STPG2: variants seen among roughly 807,000 people sequenced by gnomAD.
STPG2 encodes the protein sperm-tail PG-rich repeat-containing protein 2.
In STPG2, 56 loss-of-function variants were observed where a neutral mutation model predicts 54.2. The observed-to-expected ratio is 1.03, with a 90% CI of 0.83 to 1.29. The LOEUF is 1.29. Among genes scored for constraint, STPG2 ranks in the 50% most tolerant of loss-of-function variants. The pLI is 0.00. For synonymous variants in STPG2, 200 were observed against 181.8 expected, an observed-to-expected ratio of 1.10 and a Z score of -0.81; for missense variants, 596 against 544.9, an observed-to-expected ratio of 1.09 and a Z score of -0.93.
At chr4:97,567,880 A>C (rs1193491978) in intron 10 of STPG2, among the ~76,000 whole-genome samples, 1 of 152,222 alleles carries the variant, frequency 6.6e-6, no homozygotes, top group Non-Finnish European at 1.5e-5. Context: ...ATTTAACAAA[A>C]GAAACTGAAG....
intron 9 of STPG2, among the ~76,000 whole-genome samples, chr4:97,728,446 G>A (rs1343008366): frequency 2.0e-5 from 3 of 151,930 alleles, no homozygotes; most frequent in South Asian, 2.1e-4. Flanking sequence ...GACGTAACTC[G>A]GTAGAAATTA....
intron 10 of STPG2, chr4:97,633,396 C>A (rs987844743): frequency 1.1e-4 from 17 of 151,964 alleles, no homozygotes; most frequent in African/African-American, 4.1e-4. Flanking sequence ...AAAACATACT[C>A]AATAAAGTAA....
intron 5 of STPG2, among the ~76,000 whole-genome samples, chr4:98,093,211 A>G (rs1738743859): frequency 1.3e-5 from 2 of 152,148 alleles, no homozygotes; most frequent in East Asian, 3.8e-4. Flanking sequence ...ATACTAAAAA[A>G]TTTTTCATTG....
intron 7 of STPG2, among the ~76,000 whole-genome samples, chr4:97,946,159 AT>A (rs1400327989): frequency 6.6e-6 from 1 of 151,962 alleles, no homozygotes; most frequent in African/African-American, 2.4e-5. Context: ...GATGTTGAAT[AT>A]TTTTTCATAT....
At chr4:97,681,012 T>G (rs1723016106) in intron 10 of STPG2, among the ~76,000 whole-genome samples, 1 of 151,962 alleles carries the variant, frequency 6.6e-6, no homozygotes, top group South Asian at 2.1e-4. Context: ...ATTTATGTTA[T>G]TTGTGATTTT....
intron 4 of STPG2, among the ~76,000 whole-genome samples, chr4:97,458,867 T>C (rs1278187592): frequency 1.3e-5 from 2 of 152,244 alleles, no homozygotes; most frequent in African/African-American, 4.8e-5. Context: ...GATTAAAGGA[T>C]ATTAAAGGAA....
chr4:97,511,654 T>C (rs1274206846), intron 4 of STPG2, among the ~76,000 whole-genome samples: 1 of 152,056 alleles, frequency 6.6e-6, no homozygotes, highest in Non-Finnish European at 1.5e-5. Context: ...TTATGCACAA[T>C]ACCTGCAGAA....
intron 4 of STPG2, among the ~76,000 whole-genome samples, chr4:97,494,729 T>G (rs1361438405): frequency 6.6e-6 from 1 of 151,270 alleles, no homozygotes; most frequent in Non-Finnish European, 1.5e-5. Flanking sequence ...AGTAAGGATT[T>G]TTTTTTTGTG....
intron 4 of STPG2, among the ~76,000 whole-genome samples, chr4:97,549,096 A>C (rs554074105): frequency 1.9e-5 from 1 of 51,786 alleles, no homozygotes; most frequent in Non-Finnish European, 3.6e-5. Flanking sequence ...GTATTGAATG[A>C]CTTTTGTGGT....
At chr4:97,876,598 T>C (rs910653615) in intron 8 of STPG2, among the ~76,000 whole-genome samples, 1 of 152,078 alleles carries the variant, frequency 6.6e-6, no homozygotes, top group Non-Finnish European at 1.5e-5. Context: ...TTATTTTCTT[T>C]GAATATCTTT....
chr4:97,534,029 C>G (rs1165135475), intron 4 of STPG2, among the ~76,000 whole-genome samples: 1 of 152,086 alleles, frequency 6.6e-6, no homozygotes, highest in Non-Finnish European at 1.5e-5. Flanking sequence ...CTACAAGCAA[C>G]ATATGAGAGT....
chr4:98,007,983 G>C (rs1438960829), intron 5 of STPG2, among the ~76,000 whole-genome samples: 3 of 152,004 alleles, frequency 2.0e-5, no homozygotes, highest in Non-Finnish European at 4.4e-5. Context: ...AAGAATCCTT[G>C]GTATTCCCAA....
intron 5 of STPG2, among the ~76,000 whole-genome samples, chr4:98,101,014 A>T (rs913298677): frequency 1.3e-5 from 2 of 151,716 alleles, no homozygotes; most frequent in African/African-American, 4.8e-5. Context: ...AGGTACTCCA[A>T]AGTGTTATTT....
intron 3 of STPG2, among the ~76,000 whole-genome samples, chr4:98,119,835 GT>G (rs1739627260): frequency 6.6e-6 from 1 of 151,998 alleles, no homozygotes; most frequent in African/African-American, 2.4e-5. Flanking sequence ...AACATGTTGT[GT>G]TTGGACTTCT....
intron 2 of STPG2, among the ~76,000 whole-genome samples, chr4:98,132,876 A>G (rs1282554773): frequency 6.6e-6 from 1 of 151,318 alleles, no homozygotes; most frequent in East Asian, 1.9e-4. Context: ...AACAGAAATC[A>G]GAGATGGGAA....
chr4:97,564,355 A>G (rs1286851922), intron 10 of STPG2, among the ~76,000 whole-genome samples: 1 of 152,134 alleles, frequency 6.6e-6, no homozygotes, highest in Non-Finnish European at 1.5e-5. Flanking sequence ...TTTCCTGAAT[A>G]CAGCACACTG....
chr4:97,633,009 G>A (rs1159716344), intron 10 of STPG2, among the ~76,000 whole-genome samples: 1 of 152,138 alleles, frequency 6.6e-6, no homozygotes. Flanking sequence ...TAGATCAATA[G>A]ATAGACAGAG....
intron 9 of STPG2, among the ~76,000 whole-genome samples, chr4:97,831,726 A>G (rs1728470038): frequency 6.6e-6 from 1 of 152,238 alleles, no homozygotes; most frequent in Admixed American, 6.5e-5. Flanking sequence ...CTACCATCAG[A>G]GAATACTATA....
intron 9 of STPG2, among the ~76,000 whole-genome samples, chr4:97,800,775 C>G (rs994382173): frequency 1.3e-5 from 2 of 152,156 alleles, no homozygotes; most frequent in African/African-American, 4.8e-5. Flanking sequence ...GCCCTACCCC[C>G]AGAGTTGGAG....
Sources: gnomAD v4.1 joint callset for allele counts (sites outside exome capture counted in the v4.1 genomes callset) on GRCh38, gnomAD v4.1.1 for gene constraint, MANE v1.5 for transcripts, NCBI Gene and HGNC (gene_info 2026-07-23, HGNC 2026-07-21) for gene names.